The following USO1 variants were observed in gnomAD, a reference collection of about 807,000 sequenced individuals.
USO1 encodes the protein general vesicular transport factor p115.
Under a neutral mutation model 124.5 loss-of-function variants are expected in USO1, and 57 were observed. That is an observed-to-expected ratio of 0.46 (90% CI 0.37 to 0.57). The LOEUF (loss-of-function observed/expected upper bound fraction) is 0.57. Among genes scored for constraint, USO1 ranks in the 20% least tolerant of loss-of-function variants. The pLI is 0.00. For missense variants in USO1, 900 were observed against 1,040.6 expected (o/e 0.86, Z 1.86); for synonymous variants, 369 against 362.8 (o/e 1.02, Z -0.19).
chr4:75,771,119 G>T lies in USO1; in HGVS notation c.537G>T (p.Arg179Ser). 6.2e-7 allele frequency: 1 copy of T among 1,610,606 alleles called. No homozygotes were observed. Among genetic ancestry groups the T allele is most frequent in the South Asian group, 1.1e-5 (1 of 90,302 alleles). Reference sequence around the variant, plus strand: ...TGATGGACTTACTAGCGGATTCCAGGGAAGTTATACGTAATGATGTAAGTT... The same window carrying T: ...TGATGGACTTACTAGCGGATTCCAGTGAAGTTATACGTAATGATGTAAGTT... ...SRLMDLLADS[R>S]EVIRNDGVLL... is the part of the protein sequence containing the mutation. Residue 179 changes from arginine (R) to serine (S), a missense_variant, in exon 7 of 24, where the codon AGG becomes AGT. Physicochemically the swap from Arg to Ser is moderately radical, Grantham distance 110. Around this residue, in one of 2 missense-constraint regions of USO1, gnomAD observed 538 missense variants for 681.6 expected, o/e 0.79. Transcript: ENST00000514213.
intron 8 of USO1, among the ~76,000 whole-genome samples, chr4:75,777,529 A>G (rs1003910930): frequency 1.3e-5 from 2 of 152,236 alleles, no homozygotes; most frequent in African/African-American, 4.8e-5. Context: ...AAGATAGACA[A>G]ATGATCTGAA....
chr4:75,777,015 G>A (rs532433570), intron 8 of USO1, among the ~76,000 whole-genome samples: 4 of 152,006 alleles, frequency 2.6e-5, no homozygotes, highest in Non-Finnish European at 4.4e-5. Context: ...CATACATCAC[G>A]CCTATAATAT....
chr4:75,789,683 C>A (rs550257356), intron 10 of USO1, among the ~76,000 whole-genome samples: 1 of 152,174 alleles, frequency 6.6e-6, no homozygotes, highest in South Asian at 2.1e-4. Context: ...TCTTGTATAA[C>A]ATGTTTTGAA....
chr4:75,806,373 G>C (rs546429938), intron 19 of USO1, 113 bp from the exon 20 acceptor site: 1 of 1,298,724 alleles, frequency 7.7e-7, no homozygotes, highest in Admixed American at 2.7e-5. Context: ...AAAGGTTGGT[G>C]TGAATTTTTT....
rs369751707 is a variant in USO1, at chr4:75,743,776, C to T, written c.67-8597C>T. Among the ~76,000 whole-genome samples the T allele has an allele frequency of 2.0e-5, 3 of 152,158 alleles. No individual in the cohort carries two copies. In the East Asian group the frequency reaches 5.8e-4, roughly 29 times the overall value. On this transcript the variant is annotated intron_variant, in intron 1 of 23. Transcript: ENST00000514213. ...TCAATTACTAGAAAAAATGACATCA[C>T]ATACAAGCCCTTTTTTTTGAGACAG...
chr4:75,739,208 C>G (rs1226608783), intron 1 of USO1, among the ~76,000 whole-genome samples: 2 of 152,180 alleles, frequency 1.3e-5, no homozygotes, highest in Non-Finnish European at 2.9e-5. Flanking sequence ...AGTTATTCTA[C>G]TTTATCTTTC....
rs915757148 is a variant in USO1, at chr4:75,762,788, C to T, written c.295+5215C>T. On this transcript the variant is annotated intron_variant, in intron 4 of 23. Coordinates refer to ENST00000514213, the MANE Select transcript of USO1 (RefSeq NM_003715.4). ...CTAAAAATACAAAAAATTAGCCAGG[C>T]GTGGTGGCGGGCCCCTGTAGTCCCA... Among the ~76,000 whole-genome samples, 78 of 152,086 alleles carry T rather than the reference C, an allele frequency of 5.1e-4. No individual in the cohort carries two copies. In the East Asian group the frequency reaches 7.0e-3, roughly 14 times the overall value.
At chr4:75,724,962 G>T (rs777772196) in intron 1 of USO1, 77 bp downstream of exon 1, 3 of 1,523,626 alleles carry the variant, frequency 2.0e-6, no homozygotes, top group East Asian at 2.3e-5. Context: ...AGACCCGAAG[G>T]TCACCTCCAG....
At chr4:75,813,116 A>AG in intron 23 of USO1, 90 bp from the exon 24 acceptor site, 6 of 1,359,278 alleles carry the variant, frequency 4.4e-6, no homozygotes, top group Non-Finnish European at 5.8e-6. Flanking sequence ...CATCTCAGAA[A>AG]AAAAAAAAAT....
At chr4:75,745,283 T>G (rs2149147673) in intron 1 of USO1, 1 of 504,096 alleles carries the variant, frequency 2.0e-6, no homozygotes, top group South Asian at 1.5e-5. Flanking sequence ...ATTGAGGCTT[T>G]CATTTCCTTA....
chr4:75,747,219 CAG>C (rs760442420), intron 1 of USO1, among the ~76,000 whole-genome samples: 1 of 152,166 alleles, frequency 6.6e-6, no homozygotes, highest in Non-Finnish European at 1.5e-5. Context: ...TGGTGCTTGA[CAG>C]AGGTATCTGA....
At position 75,724,878 on chromosome 4, in the gene USO1, C is replaced by G. The variant is rs1720350498; in HGVS notation, c.59C>G (p.Ala20Gly). Residue 20 changes from alanine to glycine, a missense_variant, in exon 1 of 24, where the codon GCC (alanine) becomes GGC (glycine). This residue lies in a region of USO1 where 538 missense variants were observed against 681.6 expected (regional missense o/e 0.79). Coordinates refer to ENST00000514213, the MANE Select transcript of USO1 (RefSeq NM_003715.4). ...AGTGCCGGACCCCAGCACACAGAAG[C>G]CGAGACGGTGAGAGGAGCAGCGGGT... is the stretch of plus-strand genomic sequence containing the variant. ...GQSAGPQHTE[A>G]ETIQKLCDRV... 1.2e-6 allele frequency: 2 copies of G among 1,613,354 alleles called. No homozygotes were observed. Among genetic ancestry groups the G allele is most frequent in the Non-Finnish European group, 1.7e-6 (2 of 1,179,570 alleles).
At chr4:75,738,568 C>T (rs913486138) in intron 1 of USO1, among the ~76,000 whole-genome samples, 1 of 152,108 alleles carries the variant, frequency 6.6e-6, no homozygotes, top group African/African-American at 2.4e-5. Context: ...GCTTCAACCT[C>T]CTGGCTTTAA....
At chr4:75,751,210 TTTTA>T (rs1424455424) in intron 1 of USO1, among the ~76,000 whole-genome samples, 2 of 150,632 alleles carry the variant, frequency 1.3e-5, no homozygotes, top group East Asian at 2.0e-4. Context: ...TTTATTTTAT[TTTTA>T]TTTATTTATT....
At position 75,757,654 on chromosome 4, in the gene USO1, G is replaced by T. The variant is rs570964612; in HGVS notation, c.295+81G>T. 52 of 1,262,806 alleles carry T rather than the reference G, an allele frequency of 4.1e-5. No homozygotes were observed. In the African/African-American group the frequency reaches 7.5e-4, roughly 18 times the overall value. 78.2% of individuals were successfully genotyped at this position (1,262,806 alleles called of 1,614,324 possible). ...GCTAATTTTGCTGGTTTTAAAGTTG[G>T]ACTTGTTTTATAAATGTATAAGTTT... On this transcript the variant is annotated intron_variant, in intron 4 of 23. Coordinates refer to ENST00000514213, the MANE Select transcript of USO1 (RefSeq NM_003715.4).
intron 21 of USO1, 78 bp from the exon 22 acceptor site, chr4:75,810,350 CAAAA>C (rs35397090): frequency 7.1e-7 from 1 of 1,412,106 alleles, no homozygotes; most frequent in East Asian, 2.6e-5. Context: ...ATCAAAATGG[CAAAA>C]AAATTAAATA....
intron 1 of USO1, among the ~76,000 whole-genome samples, chr4:75,727,079 A>G (rs1435960408): frequency 6.6e-6 from 1 of 152,162 alleles, no homozygotes; most frequent in Non-Finnish European, 1.5e-5. Context: ...AACGAAGAAT[A>G]CCCTTTCCTG....
chr4:75,773,240 T>G (rs892350574), intron 7 of USO1, among the ~76,000 whole-genome samples: 5 of 152,228 alleles, frequency 3.3e-5, no homozygotes, highest in African/African-American at 9.6e-5. Context: ...TTGGTTTTTA[T>G]TAATTTTATG....
intron 1 of USO1, among the ~76,000 whole-genome samples, chr4:75,727,188 G>A (rs1720488838): frequency 6.6e-6 from 1 of 152,186 alleles, no homozygotes; most frequent in Non-Finnish European, 1.5e-5. Context: ...CCCAGATAGA[G>A]CCTCTTCATT....
Sources: gnomAD v4.1 joint callset for allele counts (sites outside exome capture counted in the v4.1 genomes callset) on GRCh38, gnomAD v4.1.1 for gene constraint, gnomAD v4.1.1 regional missense constraint, MANE v1.5 for transcripts, NCBI Gene and HGNC (gene_info 2026-07-23, HGNC 2026-07-21) for gene names.